The following PRKG1 variants were observed in gnomAD, a reference collection of about 807,000 sequenced individuals.
PRKG1 encodes protein kinase cGMP-dependent 1, also known as cGMP-dependent protein kinase 1.
In PRKG1, 35 loss-of-function variants were observed where a neutral mutation model predicts 88.1. That is an observed-to-expected ratio of 0.40 (90% CI 0.30 to 0.53). PRKG1 has a LOEUF of 0.53. Among genes scored for constraint, PRKG1 ranks in the 20% least tolerant of loss-of-function variants. The pLI is 0.59. For synonymous variants in PRKG1, 303 were observed against 292.5 expected (o/e 1.04, Z -0.37); for missense variants, 540 against 839.8 (o/e 0.64, Z 4.41).
intron 3 of PRKG1, among the ~76,000 whole-genome samples, chr10:51,737,735 T>G (rs1398783110): frequency 7.4e-6 from 1 of 135,512 alleles, no homozygotes; most frequent in Admixed American, 7.9e-5. Context: ...ATTTATTTAT[T>G]TATTAATTAT....
chr10:52,079,290 G>T (rs1035369051), intron 7 of PRKG1, among the ~76,000 whole-genome samples: 2 of 151,632 alleles, frequency 1.3e-5, no homozygotes, highest in South Asian at 2.1e-4. Context: ...GATGTGCATG[G>T]TTTTTTTTCA....
intron 7 of PRKG1, among the ~76,000 whole-genome samples, chr10:52,070,533 C>G (rs977009080): frequency 6.6e-6 from 1 of 151,998 alleles, no homozygotes; most frequent in Admixed American, 6.6e-5. Context: ...TTTTTTCAAT[C>G]CTAGAAAATT....
rs549084901 is a variant in PRKG1, at chr10:51,125,661, A to G, written c.312-27503A>G. Among the ~76,000 whole-genome samples, 308 of 148,948 alleles carry G rather than the reference A, an allele frequency of 2.1e-3. 2 individuals carry two copies. The highest frequency in any genetic ancestry group is 7.3e-3 in the African/African-American group (299 of 41,098). On this transcript the variant is annotated intron_variant, in intron 1 of 17. Coordinates refer to ENST00000373980, the MANE Select transcript of PRKG1 (RefSeq NM_006258.4). ...TGAGCCACTGAACTCCAGCCTTGGC[A>G]ACGGAGTAAAACTCTGTCTCAAAAA...
intron 5 of PRKG1, among the ~76,000 whole-genome samples, chr10:51,924,641 C>CT (rs368080113): frequency 6.7e-6 from 1 of 149,542 alleles, no homozygotes; most frequent in African/African-American, 2.4e-5. Context: ...TCCTAATGTT[C>CT]TTTTTTATCA....
rs200123853 is a variant in PRKG1, at chr10:51,051,968, G to T, written c.266+60324G>T. Among the ~76,000 whole-genome samples, 7 of 152,142 alleles carry T rather than the reference G, an allele frequency of 4.6e-5. No homozygotes were observed. In the East Asian group the frequency reaches 1.4e-3, roughly 29 times the overall value. ...TAAAATACTTTGATAAATAAAAATT[G>T]ATACTTAAAATGCAAGTTACTATTA... On this transcript the variant is annotated intron_variant, in intron 1 of 17. Coordinates refer to the PRKG1 transcript ENST00000401604.
intron 17 of PRKG1, among the ~76,000 whole-genome samples, chr10:52,293,053 T>A (rs1188003901): frequency 1.3e-5 from 2 of 151,890 alleles, no homozygotes; most frequent in Non-Finnish European, 2.9e-5. Context: ...GATAAGCAAC[T>A]TCAGCAAAGT....
At chr10:51,425,911 C>T (rs569863763) in intron 2 of PRKG1, among the ~76,000 whole-genome samples, 4 of 152,314 alleles carry the variant, frequency 2.6e-5, no homozygotes, top group South Asian at 4.1e-4. Context: ...TCTCAATTTT[C>T]TTTAACCTTC....
At chr10:51,766,650 C>T (rs1030198252) in intron 3 of PRKG1, among the ~76,000 whole-genome samples, 3 of 152,104 alleles carry the variant, frequency 2.0e-5, no homozygotes, top group Non-Finnish European at 4.4e-5. Flanking sequence ...TGGAAGCAAA[C>T]TCTCTGGGGT....
At chr10:51,845,822 A>G (rs928548203) in intron 4 of PRKG1, among the ~76,000 whole-genome samples, 4 of 152,128 alleles carry the variant, frequency 2.6e-5, no homozygotes, top group African/African-American at 9.7e-5. Flanking sequence ...CAATATACAT[A>G]ATACTTTATA....
intron 5 of PRKG1, among the ~76,000 whole-genome samples, chr10:52,043,940 T>C (rs1845808340): frequency 6.9e-6 from 1 of 144,150 alleles, no homozygotes; most frequent in Non-Finnish European, 1.5e-5. Flanking sequence ...AACCCAAGCA[T>C]TTGTGGAATT....
At chr10:51,331,615 T>A (rs1841743832) in intron 2 of PRKG1, among the ~76,000 whole-genome samples, 1 of 152,162 alleles carries the variant, frequency 6.6e-6, no homozygotes, top group Non-Finnish European at 1.5e-5. Context: ...CTTTCTATCA[T>A]CATCAATGTG....
intron 3 of PRKG1, among the ~76,000 whole-genome samples, chr10:51,730,696 T>G (rs1589239760): frequency 6.6e-6 from 1 of 152,248 alleles, no homozygotes; most frequent in Non-Finnish European, 1.5e-5. Context: ...CTGGTCACAA[T>G]CTATGTAACC....
chr10:51,029,667 T>A (rs1440231501), intron 1 of PRKG1, among the ~76,000 whole-genome samples: 1 of 152,186 alleles, frequency 6.6e-6, no homozygotes, highest in African/African-American at 2.4e-5. Flanking sequence ...GTTGTACCCA[T>A]GGATGAGTCA....
chr10:51,088,695 C>G (rs1404394000), intron 1 of PRKG1, among the ~76,000 whole-genome samples: 2 of 152,022 alleles, frequency 1.3e-5, no homozygotes, highest in Non-Finnish European at 2.9e-5. Context: ...TGGTTAACAA[C>G]TACTTCCCCC....
chr10:52,249,971 A>G (rs1213247709), intron 9 of PRKG1, among the ~76,000 whole-genome samples: 3 of 152,226 alleles, frequency 2.0e-5, no homozygotes, highest in African/African-American at 7.2e-5. Context: ...GCGGCCAGGA[A>G]ATGCTTGACC....
intron 9 of PRKG1, among the ~76,000 whole-genome samples, chr10:52,225,130 C>A (rs1840360145): frequency 6.6e-6 from 1 of 152,142 alleles, no homozygotes; most frequent in Admixed American, 6.6e-5. Context: ...TTCAGCACAT[C>A]CATGCCAACA....
chr10:51,924,003 T>A (rs1842519161), intron 5 of PRKG1, among the ~76,000 whole-genome samples: 1 of 151,928 alleles, frequency 6.6e-6, no homozygotes, highest in Admixed American at 6.6e-5. Flanking sequence ...AATTTTTAAA[T>A]TTTTTTGTAG....
At chr10:52,025,087 T>C (rs1589530198) in intron 5 of PRKG1, among the ~76,000 whole-genome samples, 2 of 152,234 alleles carry the variant, frequency 1.3e-5, no homozygotes, top group South Asian at 4.1e-4. Context: ...CCAGTGATGA[T>C]GAGCATTTTT....
At chr10:51,696,491 G>C (rs1841296436) in intron 3 of PRKG1, 2 of 152,004 alleles carry the variant, frequency 1.3e-5, no homozygotes, top group South Asian at 4.1e-4. Context: ...GAAATAGGAA[G>C]GTATTGAGAG....
Sources: gnomAD v4.1 joint callset for allele counts (sites outside exome capture counted in the v4.1 genomes callset) on GRCh38, gnomAD v4.1.1 for gene constraint, MANE v1.5 for transcripts, NCBI Gene and HGNC (gene_info 2026-07-23, HGNC 2026-07-21) for gene names.